Variants in FSTL4 observed in about 807,000 individuals in gnomAD.
FSTL4 encodes the protein follistatin like 4, also known as follistatin-related protein 4.
FSTL4 carries 28 observed loss-of-function variants against 78.2 expected under a neutral mutation model. That is an observed-to-expected ratio of 0.36 (90% CI 0.27 to 0.49). The LOEUF (loss-of-function observed/expected upper bound fraction) is 0.49. Among genes scored for constraint, FSTL4 ranks in the 20% least tolerant of loss-of-function variants. The pLI, the probability that FSTL4 is intolerant of heterozygous loss-of-function variation, is 0.98. For synonymous variants in FSTL4, 422 were observed against 440.5 expected (o/e 0.96, Z 0.53); for missense variants, 922 against 1,084.9 (o/e 0.85, Z 2.11).
chr5:133,218,358 T>C (rs1750982211), intron 12 of FSTL4, among the ~76,000 whole-genome samples: 1 of 152,192 alleles, frequency 6.6e-6, no homozygotes. Flanking sequence ...GTGACTGCTA[T>C]AGCATCCGTG....
chr5:133,374,899 A>T (rs977928101), intron 4 of FSTL4, among the ~76,000 whole-genome samples: 8 of 152,166 alleles, frequency 5.3e-5, no homozygotes, highest in African/African-American at 1.9e-4. Context: ...ATAATCCGTT[A>T]TAGCACCAGA....
chr5:133,796,221 G>A, the FSTL4 span, among the ~76,000 whole-genome samples: 2 of 152,208 alleles, frequency 1.3e-5, no homozygotes, highest in African/African-American at 2.4e-5. Context: ...TTCAGTCACC[G>A]CTGCTGCTCA....
At chr5:133,289,098 C>G (rs1753199774) in intron 6 of FSTL4, among the ~76,000 whole-genome samples, 1 of 152,186 alleles carries the variant, frequency 6.6e-6, no homozygotes. Flanking sequence ...CAGATCCCAG[C>G]TGCCCTTGGG....
chr5:133,518,297 TAAG>T (rs1472113346), intron 3 of FSTL4, among the ~76,000 whole-genome samples: 4 of 151,858 alleles, frequency 2.6e-5, no homozygotes, highest in Non-Finnish European at 5.9e-5. Flanking sequence ...AAATCAATAA[TAAG>T]AAGAAATACA....
intron 6 of FSTL4, among the ~76,000 whole-genome samples, chr5:133,267,689 G>T (rs983961420): frequency 6.6e-6 from 1 of 152,168 alleles, no homozygotes; most frequent in East Asian, 1.9e-4. Flanking sequence ...GACACACCTG[G>T]GAAGGAACTG....
intron 3 of FSTL4, among the ~76,000 whole-genome samples, chr5:133,461,259 C>T (rs1320160863): frequency 6.6e-6 from 1 of 152,156 alleles, no homozygotes; most frequent in Non-Finnish European, 1.5e-5. Context: ...TTTCAATCCA[C>T]GACACAATAT....
chr5:133,820,235 C>T, the FSTL4 span, among the ~76,000 whole-genome samples: 56 of 152,326 alleles, frequency 3.7e-4, no homozygotes, highest in East Asian at 9.1e-3. Flanking sequence ...CCAGCTGTCA[C>T]GCTGCATTTC....
At chr5:133,223,306 A>C (rs1751213365) in intron 11 of FSTL4, among the ~76,000 whole-genome samples, 1 of 152,204 alleles carries the variant, frequency 6.6e-6, no homozygotes, top group Non-Finnish European at 1.5e-5. Flanking sequence ...CCTGACGTTC[A>C]GGAAATTGTT....
At chr5:133,580,736 C>A (rs1580802575) in intron 2 of FSTL4, among the ~76,000 whole-genome samples, 1 of 152,308 alleles carries the variant, frequency 6.6e-6, no homozygotes, top group East Asian at 1.9e-4. Flanking sequence ...ACCAGGGGAG[C>A]CTCTCTCTTC....
chr5:133,222,497 C>T (rs1751172578), intron 11 of FSTL4, among the ~76,000 whole-genome samples: 1 of 152,154 alleles, frequency 6.6e-6, no homozygotes, highest in South Asian at 2.1e-4. Context: ...GTCAAAGTCC[C>T]CACTAAGCCA....
At chr5:133,686,155 T>C in the FSTL4 span, among the ~76,000 whole-genome samples, 1 of 152,226 alleles carries the variant, frequency 6.6e-6, no homozygotes, top group African/African-American at 2.4e-5. Flanking sequence ...CTGTCATCCC[T>C]CTGGCCCTTA....
At chr5:133,802,991 G>A in the FSTL4 span, among the ~76,000 whole-genome samples, 6 of 152,350 alleles carry the variant, frequency 3.9e-5, no homozygotes, top group South Asian at 1.0e-3. Context: ...GCCTGGAGTT[G>A]CTAGCAGCCA....
chr5:133,225,471 C>T lies in FSTL4; in HGVS notation c.1177+187G>A, dbSNP rs925636975. On this transcript the variant is annotated intron_variant, in intron 9 of 15. Coordinates refer to ENST00000265342, the MANE Select transcript of FSTL4 (RefSeq NM_015082.2). This position sits in a 1 kb window ranked among gnomAD's most constrained non-coding sequence, Gnocchi z 4.6. ...GAGCTGGACCTGAGTGACAGCTTCTCATCATTGCTGTCAGAAAGCCCCAAA... is the reference window on the plus strand; with the variant it reads ...GAGCTGGACCTGAGTGACAGCTTCTTATCATTGCTGTCAGAAAGCCCCAAA... 6.6e-6 allele frequency among the ~76,000 whole-genome samples: 1 copy of T among 152,142 alleles called. No homozygotes were observed.
intron 4 of FSTL4, among the ~76,000 whole-genome samples, chr5:133,399,423 G>A (rs1251392614): frequency 6.6e-6 from 1 of 152,206 alleles, no homozygotes; most frequent in Non-Finnish European, 1.5e-5. Flanking sequence ...TCATCACCCG[G>A]TAAAGGCACA....
intron 2 of FSTL4, chr5:133,583,307 G>A (rs755545022): frequency 9.6e-6 from 4 of 415,460 alleles, no homozygotes; most frequent in East Asian, 1.6e-4. Flanking sequence ...CAAGATGGCC[G>A]AATAGGAACA....
the FSTL4 span, among the ~76,000 whole-genome samples, chr5:133,671,892 T>C: frequency 8.1e-4 from 123 of 152,362 alleles, no homozygotes; most frequent in Admixed American, 1.9e-3. Flanking sequence ...TTGTGGGGGC[T>C]AAGAACGTAA....
At chr5:133,638,684 C>A in the FSTL4 span, among the ~76,000 whole-genome samples, 5 of 152,172 alleles carry the variant, frequency 3.3e-5, no homozygotes. Flanking sequence ...TCCCATAGCA[C>A]TTACTGTCTT....
chr5:133,755,660 C>T, the FSTL4 span, among the ~76,000 whole-genome samples: 1 of 152,222 alleles, frequency 6.6e-6, no homozygotes, highest in Non-Finnish European at 1.5e-5. Context: ...AGCATCACTA[C>T]CCAAAGCACC....
Position 133,210,206 on chromosome 5 carries a change from G to A in FSTL4, c.1701C>T (p.Ser567=). The part of the protein sequence containing the change: ...WVLSWGDVHK[S]RPSLQVITEA... ...CTCAACATACCTGGAGACTTGGTCG[G>A]GACTTGTGCACGTCCCCCCAGCTCA... Residue 567 remains serine (S), a synonymous_variant, in exon 14 of 16, where the codon TCC becomes TCT. Coordinates refer to ENST00000265342, the MANE Select transcript of FSTL4 (RefSeq NM_015082.2). 1 of 1,599,102 alleles carries A rather than the reference G, an allele frequency of 6.3e-7. No homozygotes were observed. The highest frequency in any genetic ancestry group is 8.6e-7 in the Non-Finnish European group (1 of 1,166,376).
Sources: gnomAD v4.1 joint callset for allele counts (sites outside exome capture counted in the v4.1 genomes callset) on GRCh38, gnomAD v4.1.1 for gene constraint, Gnocchi (gnomAD v3.1) non-coding constraint, MANE v1.5 for transcripts, NCBI Gene and HGNC (gene_info 2026-07-23, HGNC 2026-07-21) for gene names.